DNAJC24: variants seen among roughly 807,000 people sequenced by gnomAD.
The protein encoded by DNAJC24 is DnaJ heat shock protein family (Hsp40) member C24.
DNAJC24 carries 17 observed loss-of-function variants against 18.0 expected under a neutral mutation model. The observed-to-expected ratio is 0.94, with a 90% CI of 0.65 to 1.42. The LOEUF (loss-of-function observed/expected upper bound fraction) is 1.42, where lower values mean the gene tolerates loss of function less well. DNAJC24 is among the 40% of genes most tolerant of loss of function. The pLI, the probability that DNAJC24 is intolerant of heterozygous loss-of-function variation, is 0.00. For synonymous variants in DNAJC24, 55 were observed against 57.7 expected (o/e 0.95, Z 0.21); for missense variants, 158 against 175.6 (o/e 0.90, Z 0.57).
At chr11:31,383,618 G>A (rs1442340714) in intron 2 of DNAJC24, among the ~76,000 whole-genome samples, 2 of 152,210 alleles carry the variant, frequency 1.3e-5, no homozygotes, top group Non-Finnish European at 2.9e-5. Context: ...TCAGTTGCAT[G>A]TTGGGAAGTT....
At chr11:31,389,884 A>G (rs1387518265) in intron 2 of DNAJC24, among the ~76,000 whole-genome samples, 1 of 152,250 alleles carries the variant, frequency 6.6e-6, no homozygotes, top group Non-Finnish European at 1.5e-5. Context: ...ATACATGGAA[A>G]TTAAACAACA....
chr11:31,383,281 C>A (rs911932357), intron 2 of DNAJC24, among the ~76,000 whole-genome samples: 2 of 152,002 alleles, frequency 1.3e-5, no homozygotes, highest in African/African-American at 4.8e-5. Context: ...CCCAACCCTC[C>A]AATCATGCTT....
At chr11:31,379,990 G>C (rs1308634623) in intron 2 of DNAJC24, among the ~76,000 whole-genome samples, 1 of 151,830 alleles carries the variant, frequency 6.6e-6, no homozygotes, top group East Asian at 1.9e-4. Flanking sequence ...AGCTGGTCTT[G>C]ACCTCCTGAC....
chr11:31,403,125 A>ATGTGTG (rs3979423), intron 2 of DNAJC24, among the ~76,000 whole-genome samples: 7,039 of 146,614 alleles, frequency 0.048, 251 homozygotes, highest in East Asian at 0.21. Context: ...GCATATATGC[A>ATGTGTG]TGTGTGTGTG....
chr11:31,400,809 T>C (rs1952593716), intron 2 of DNAJC24, among the ~76,000 whole-genome samples: 3 of 152,170 alleles, frequency 2.0e-5, no homozygotes, highest in African/African-American at 7.2e-5. Flanking sequence ...GTTAAGGACA[T>C]AGGCATGGGC....
In DNAJC24 at chr11:31,373,251, A is replaced by T. The variant is rs2133465092; in HGVS notation, c.111+2392A>T. Reference sequence around the variant, plus strand: ...TTTCCATCTTCTCTAAGGTTATGAGAATATTCTTCGATGTTTTCTTCTAGA... The same window carrying T: ...TTTCCATCTTCTCTAAGGTTATGAGTATATTCTTCGATGTTTTCTTCTAGA... On this transcript the variant is annotated intron_variant, in intron 2 of 4. Coordinates refer to ENST00000465995, the MANE Select transcript of DNAJC24 (RefSeq NM_181706.5). 1.5e-5 allele frequency among the ~76,000 whole-genome samples: 2 copies of T among 134,654 alleles called. 1 individual carries two copies. The highest frequency in any genetic ancestry group is 3.4e-5 in the Non-Finnish European group (2 of 58,296). The allele number at this position is 134,654 out of a possible 152,430, so 88.3% of individuals were successfully genotyped here. A position where few individuals can be genotyped will look rare whatever the true frequency, so the allele number is the denominator to read the frequency against.
intron 2 of DNAJC24, among the ~76,000 whole-genome samples, chr11:31,379,341 G>T (rs1952351685): frequency 6.6e-6 from 1 of 152,142 alleles, no homozygotes; most frequent in South Asian, 2.1e-4. Context: ...TTCCTTATGA[G>T]AATCTAATTA....
intron 2 of DNAJC24, among the ~76,000 whole-genome samples, chr11:31,406,335 T>A (rs181666576): frequency 6.6e-6 from 1 of 152,328 alleles, no homozygotes; most frequent in East Asian, 1.9e-4. Context: ...CTAAAATTTA[T>A]CTCTCCTCCT....
Position 31,431,055 on chromosome 11 carries a change from T to C in DNAJC24, c.*654T>C, listed in dbSNP as rs540729944. ...TTTTTTCTAAGACAGAGTCTCACTC[T>C]GTCGCGCCAGCTGGAGTGCAGTGCC... On this transcript the variant is annotated 3_prime_UTR_variant, in exon 5 of 5. Transcript: ENST00000465995. 1.3e-5 allele frequency: 2 copies of C among 152,192 alleles called. No homozygotes were observed. Among genetic ancestry groups the C allele is most frequent in the Non-Finnish European group, 2.9e-5 (2 of 68,030 alleles). The allele number at this position is 152,192 out of a possible 1,614,324, so 9.4% of individuals were successfully genotyped here.
At chr11:31,425,413 C>T (rs1001789503) in intron 3 of DNAJC24, among the ~76,000 whole-genome samples, 2 of 152,092 alleles carry the variant, frequency 1.3e-5, no homozygotes, top group Non-Finnish European at 2.9e-5. Context: ...CCTCAGCTGC[C>T]ATAACAAAAT....
chr11:31,384,989 GAAAA>G (rs1265497557), intron 2 of DNAJC24: 2 of 152,002 alleles, frequency 1.3e-5, no homozygotes, highest in Non-Finnish European at 1.5e-5. Context: ...AATTATAAGG[GAAAA>G]AAAGAGTTTT....
chr11:31,380,081 TA>T (rs1237019496), intron 2 of DNAJC24, among the ~76,000 whole-genome samples: 3 of 152,222 alleles, frequency 2.0e-5, no homozygotes, highest in African/African-American at 4.8e-5. Flanking sequence ...AAAGAAATCT[TA>T]AAATAACTTT....
Position 31,391,416 on chromosome 11 carries a change from A to G in DNAJC24, c.111+20557A>G, listed in dbSNP as rs547642082. 2.6e-5 allele frequency among the ~76,000 whole-genome samples: 4 copies of G among 152,322 alleles called. No homozygotes were observed. In the South Asian group the frequency reaches 8.3e-4, roughly 32 times the overall value. On this transcript the variant is annotated intron_variant, in intron 2 of 4. Coordinates refer to ENST00000465995, the MANE Select transcript of DNAJC24 (RefSeq NM_181706.5). ...TGTATAAGGAGCTTAAACAATAGGG[A>G]AAAAATGTGATTTTAAAATGGGCAA...
chr11:31,404,857 C>G (rs971178051), intron 2 of DNAJC24, among the ~76,000 whole-genome samples: 4 of 151,380 alleles, frequency 2.6e-5, no homozygotes, highest in Non-Finnish European at 5.9e-5. Context: ...CATTGCAAGA[C>G]AGTACTTGAG....
At chr11:31,370,618 T>C in intron 1 of DNAJC24, 98 bp from the exon 2 acceptor site, 2 of 528,008 alleles carry the variant, frequency 3.8e-6, no homozygotes, top group Non-Finnish European at 6.7e-6. Flanking sequence ...AATCATGATT[T>C]ACTCGACTAA....
chr11:31,392,171 G>A (rs919531230), intron 2 of DNAJC24, among the ~76,000 whole-genome samples: 3 of 152,114 alleles, frequency 2.0e-5, no homozygotes, highest in Non-Finnish European at 4.4e-5. Flanking sequence ...GATAGAATGA[G>A]TAAGATGTAT....
chr11:31,409,268 C>T (rs185421971), intron 2 of DNAJC24, among the ~76,000 whole-genome samples: 4 of 152,162 alleles, frequency 2.6e-5, no homozygotes, highest in Admixed American at 2.6e-4. Context: ...TTGATATTGT[C>T]AACATAAAAT....
At chr11:31,400,994 ATAT>A (rs1952595354) in intron 2 of DNAJC24, among the ~76,000 whole-genome samples, 1 of 152,240 alleles carries the variant, frequency 6.6e-6, no homozygotes, top group Non-Finnish European at 1.5e-5. Context: ...CAAAGGTCTA[ATAT>A]TCAGAATCTA....
intron 3 of DNAJC24, among the ~76,000 whole-genome samples, chr11:31,422,412 G>T (rs1470930916): frequency 6.6e-6 from 1 of 152,036 alleles, no homozygotes; most frequent in African/African-American, 2.4e-5. Context: ...TTTCCGAATG[G>T]CCGTATTTTG....
Sources: gnomAD v4.1 joint callset for allele counts (sites outside exome capture counted in the v4.1 genomes callset) on GRCh38, gnomAD v4.1.1 for gene constraint, MANE v1.5 for transcripts, NCBI Gene and HGNC (gene_info 2026-07-23, HGNC 2026-07-21) for gene names.